The following LOC400499 variants were observed in gnomAD, a reference collection of about 807,000 sequenced individuals.
chr16:11,479,311 T>C, the LOC400499 span, among the ~76,000 whole-genome samples: 1 of 151,960 alleles, frequency 6.6e-6, no homozygotes, highest in Non-Finnish European at 1.5e-5. Context: ...TAATTTTAGA[T>C]TTACGGAAAA....
At chr16:11,412,846 T>C in the LOC400499 span, 1 of 399,152 alleles carries the variant, frequency 2.5e-6, no homozygotes, top group Non-Finnish European at 4.4e-6. Flanking sequence ...CTCACCTGAC[T>C]GCCTGGTTCT....
chr16:11,398,459 C>T, the LOC400499 span: 5 of 1,232,296 alleles, frequency 4.1e-6, no homozygotes, highest in Non-Finnish European at 5.1e-6. Context: ...CGAGGACGTG[C>T]TCCAGCGTGG....
chr16:11,465,105 C>T, the LOC400499 span, among the ~76,000 whole-genome samples: 3 of 152,188 alleles, frequency 2.0e-5, no homozygotes, highest in Admixed American at 1.3e-4. Context: ...ATCAGGAGAT[C>T]CACTGCCGAA....
chr16:11,421,514 G>A, the LOC400499 span, among the ~76,000 whole-genome samples: 2 of 152,000 alleles, frequency 1.3e-5, no homozygotes, highest in East Asian at 3.9e-4. Context: ...CGATTCTCCT[G>A]CCTCCGCCTC....
chr16:11,438,435 C>G, the LOC400499 span, among the ~76,000 whole-genome samples: 1 of 151,958 alleles, frequency 6.6e-6, no homozygotes. Context: ...ATTCAAGTTT[C>G]TAAAACCCAA....
the LOC400499 span, among the ~76,000 whole-genome samples, chr16:11,410,010 T>A: frequency 6.6e-6 from 1 of 152,252 alleles, no homozygotes; most frequent in South Asian, 2.1e-4. Flanking sequence ...CCAGGTGTGG[T>A]GGTACCACCT....
At chr16:11,491,215 T>C in the LOC400499 span, among the ~76,000 whole-genome samples, 3 of 152,232 alleles carry the variant, frequency 2.0e-5, no homozygotes, top group Non-Finnish European at 4.4e-5. Context: ...CTCACCCCAC[T>C]GTGCATTATG....
chr16:11,433,987 G>T, the LOC400499 span, among the ~76,000 whole-genome samples: 1 of 152,202 alleles, frequency 6.6e-6, no homozygotes, highest in Non-Finnish European at 1.5e-5. Context: ...AAGATGGGAG[G>T]AGGTTATGGG....
At chr16:11,378,255 T>C in the LOC400499 span, among the ~76,000 whole-genome samples, 1 of 131,352 alleles carries the variant, frequency 7.6e-6, no homozygotes. Flanking sequence ...TTTTTTCTTT[T>C]TTTTTTTTTT....
the LOC400499 span, chr16:11,457,195 A>G: frequency 3.1e-6 from 2 of 646,496 alleles, no homozygotes; most frequent in Non-Finnish European, 5.2e-6. Flanking sequence ...ACAAAAAACA[A>G]GGAGCGTTGG....
chr16:11,515,900 AGCCCAGCCCAGCCTAGC>A, the LOC400499 span: 1 of 121,036 alleles, frequency 8.3e-6, no homozygotes, highest in East Asian at 1.2e-4. Flanking sequence ...AGCCTAGCCC[AGCCCAGCCCAGCCTAGC>A]CCAGCACTTA....
the LOC400499 span, chr16:11,460,738 C>T: frequency 2.9e-6 from 4 of 1,360,530 alleles, no homozygotes; most frequent in Admixed American, 5.6e-5. Flanking sequence ...CCACCTGTCA[C>T]TCCATTAGAA....
chr16:11,487,621 G>C, the LOC400499 span, among the ~76,000 whole-genome samples: 1 of 152,146 alleles, frequency 6.6e-6, no homozygotes, highest in African/African-American at 2.4e-5. Context: ...CAGAGCACCC[G>C]ACCCCCAACC....
the LOC400499 span, among the ~76,000 whole-genome samples, chr16:11,456,043 A>ATTT: frequency 2.8e-5 from 4 of 142,430 alleles, no homozygotes; most frequent in Admixed American, 7.0e-5. Context: ...CGTGGATAAA[A>ATTT]TTTTTTTTTT....
At chr16:11,487,476 C>T in the LOC400499 span, 1 of 397,740 alleles carries the variant, frequency 2.5e-6, no homozygotes, top group East Asian at 3.6e-5. Context: ...GAGACAGGGC[C>T]AGATACATGG....
the LOC400499 span, chr16:11,459,968 G>A: frequency 6.6e-7 from 1 of 1,515,328 alleles, no homozygotes; most frequent in South Asian, 1.2e-5. Context: ...GATGCCTCTT[G>A]TTGCTGTTCT....
At chr16:11,484,292 C>G in the LOC400499 span, among the ~76,000 whole-genome samples, 1 of 152,040 alleles carries the variant, frequency 6.6e-6, no homozygotes, top group African/African-American at 2.4e-5. Flanking sequence ...CAGGCGTGAG[C>G]CACTACGCCC....
chr16:11,439,801 C>A, the LOC400499 span, among the ~76,000 whole-genome samples: 1 of 152,010 alleles, frequency 6.6e-6, no homozygotes, highest in South Asian at 2.1e-4. Flanking sequence ...GCTGGGAAGA[C>A]CACTCTGGAA....
At chr16:11,438,784 G>C in the LOC400499 span, among the ~76,000 whole-genome samples, 1 of 151,844 alleles carries the variant, frequency 6.6e-6, no homozygotes, top group East Asian at 1.9e-4. Context: ...GTGAGATCCT[G>C]TCTCAAAAGA....
Sources: gnomAD v4.1 joint callset for allele counts (sites outside exome capture counted in the v4.1 genomes callset) on GRCh38, gnomAD v4.1.1 for gene constraint, MANE v1.5 for transcripts.